RERE: variants seen among roughly 807,000 people sequenced by gnomAD.
RERE encodes the protein arginine-glutamic acid dipeptide repeats, also known as arginine-glutamic acid dipeptide repeats protein.
RERE carries 40 observed loss-of-function variants against 146.1 expected under a neutral mutation model. That is an observed-to-expected ratio of 0.27 (90% CI 0.21 to 0.36). RERE has a LOEUF of 0.36. RERE is among the 10% of genes least tolerant of loss of function. The pLI is 1.00. For synonymous variants in RERE, 1,003 were observed against 866.0 expected (o/e 1.16, Z -2.78); for missense variants, 1,933 against 2,138.7 (o/e 0.90, Z 1.90).
Position 8,423,391 on chromosome 1 carries a change from C to A in RERE, c.1204-584G>T, listed in dbSNP as rs1298604199. 2 of 280,512 alleles carry A rather than the reference C, an allele frequency of 7.1e-6. No individual in the cohort carries two copies. The highest frequency in any genetic ancestry group is 5.4e-6 in the Non-Finnish European group (1 of 185,190). 17.4% of individuals were successfully genotyped at this position (280,512 alleles called of 1,614,324 possible). ...CGTCATTAAAAGCCACTCCGAGACA[C>A]CAGAGAATAACCAGCACCCCTTCCG... On this transcript the variant is annotated intron_variant, in intron 11 of 22. Transcript: ENST00000400908. The surrounding 1 kb of genome is among the most constrained non-coding windows in gnomAD (Gnocchi z 5.4).
chr1:8,441,929 T>C (rs963621185), intron 11 of RERE, among the ~76,000 whole-genome samples: 5 of 118,440 alleles, frequency 4.2e-5, no homozygotes, highest in East Asian at 2.3e-4. Context: ...TATGCCCGAT[T>C]TCAATACACA....
intron 10 of RERE, among the ~76,000 whole-genome samples, chr1:8,471,283 A>G (rs929929674): frequency 2.6e-5 from 4 of 152,030 alleles, no homozygotes; most frequent in Non-Finnish European, 5.9e-5. Flanking sequence ...CAGGCACTCT[A>G]TTAGGTGCTG....
chr1:8,415,232 G>A (rs1416540567), intron 12 of RERE, among the ~76,000 whole-genome samples: 1 of 152,180 alleles, frequency 6.6e-6, no homozygotes, highest in African/African-American at 2.4e-5. Flanking sequence ...ACCACAACTT[G>A]TAAGTCTTTC....
chr1:8,649,024 T>C (rs192017068), intron 2 of RERE, among the ~76,000 whole-genome samples: 381 of 152,046 alleles, frequency 2.5e-3, no homozygotes, highest in Non-Finnish European at 4.1e-3. Flanking sequence ...CAGTTCTACC[T>C]ACACCAGAAA....
In RERE at chr1:8,360,906, G is replaced by C; in HGVS notation, c.2601C>G (p.Gly867=). 2.7e-6 allele frequency: 4 copies of C among 1,494,186 alleles called. No individual in the cohort carries two copies. Among genetic ancestry groups the C allele is most frequent in the Non-Finnish European group, 2.7e-6 (3 of 1,128,746 alleles). 92.6% of individuals were successfully genotyped at this position (1,494,186 alleles called of 1,614,324 possible). A position where few individuals can be genotyped will look rare whatever the true frequency, so the allele number is the denominator to read the frequency against. ...LQAGPLLQHP[G]PPQPFGLPPQ... is the part of the protein sequence containing the mutation. ...GAGGGAGGCCAAAGGGCTGTGGGGG[G>C]CCTGGGTGCTGCAGCAGGGGCCCAG... is the stretch of plus-strand genomic sequence containing the variant. The change falls in exon 18 of 23, where the codon GGC becomes GGG. Residue 867 remains glycine, a synonymous_variant. Transcript: ENST00000400908.
chr1:8,492,883 C>A (rs768877110), intron 10 of RERE, among the ~76,000 whole-genome samples: 1 of 151,892 alleles, frequency 6.6e-6, no homozygotes, highest in Admixed American at 6.6e-5. Context: ...GTACTCCAGA[C>A]TGGGCAACAG....
At position 8,750,012 on chromosome 1, in the gene RERE, C is replaced by T. The variant is rs148526575; in HGVS notation, c.-145+67148G>A. Among the ~76,000 whole-genome samples the T allele has an allele frequency of 6.9e-3, 1,044 of 151,928 alleles. 6 individuals are homozygous for T. Among genetic ancestry groups the T allele is most frequent in the African/African-American group, 0.023 (960 of 41,428 alleles). On this transcript the variant is annotated intron_variant, in intron 1 of 22. Transcript: ENST00000400908. Reference sequence around the variant, plus strand: ...ACTAAAAATACAAAAATTAACCAGGCGTGGTGGCGGGCACCTGTAATCTCA... The same window carrying T: ...ACTAAAAATACAAAAATTAACCAGGTGTGGTGGCGGGCACCTGTAATCTCA...
intron 1 of RERE, among the ~76,000 whole-genome samples, chr1:8,775,651 C>T (rs1367204724): frequency 6.6e-6 from 1 of 151,990 alleles, no homozygotes; most frequent in Non-Finnish European, 1.5e-5. Flanking sequence ...TTTTCTAGCA[C>T]CTAATATTAA....
chr1:8,759,838 T>TACACACACACACACACACACAC (rs369646175), intron 1 of RERE, among the ~76,000 whole-genome samples: 1 of 142,230 alleles, frequency 7.0e-6, no homozygotes. Flanking sequence ...ACTCTCTCTA[T>TACACACACACACACACACACAC]ACACACACAC....
In RERE at chr1:8,664,494, T is replaced by C. The variant is rs549773835; in HGVS notation, c.-144-8053A>G. Among the ~76,000 whole-genome samples the C allele has an allele frequency of 3.2e-4, 48 of 152,312 alleles. 1 individual carries two copies. In the South Asian group the frequency reaches 1.0e-2, roughly 32 times the overall value. On this transcript the variant is annotated intron_variant, in intron 1 of 22. Transcript: ENST00000400908. ...TTCAGCTTCAGACACATGTGAAAACTGTTCACCTGGGGTCTCTTCTTGGAT... is the reference window on the plus strand; with the variant it reads ...TTCAGCTTCAGACACATGTGAAAACCGTTCACCTGGGGTCTCTTCTTGGAT...
At chr1:8,385,943 T>C (rs1642625257) in intron 12 of RERE, among the ~76,000 whole-genome samples, 1 of 111,060 alleles carries the variant, frequency 9.0e-6, no homozygotes, top group Admixed American at 1.2e-4. Context: ...CACTCCACCC[T>C]GGGTGACACA....
At chr1:8,794,357 CAAA>C (rs34549021) in intron 1 of RERE, among the ~76,000 whole-genome samples, 3 of 40,550 alleles carry the variant, frequency 7.4e-5, no homozygotes, top group Non-Finnish European at 4.7e-5. Context: ...GACTCCGTCT[CAAA>C]AAAAAAAAAA....
intron 1 of RERE, among the ~76,000 whole-genome samples, chr1:8,741,338 G>C (rs1640303109): frequency 6.6e-6 from 1 of 152,198 alleles, no homozygotes. Context: ...GAACAAAGCA[G>C]ACACTCAGTA....
At chr1:8,789,299 A>ATAT (rs1287393421) in intron 1 of RERE, among the ~76,000 whole-genome samples, 114 of 54,798 alleles carry the variant, frequency 2.1e-3, no homozygotes, top group Admixed American at 2.4e-3. Flanking sequence ...AAAAAAAAAA[A>ATAT]AAATATATAT....
chr1:8,536,329 A>G (rs1206476568), intron 7 of RERE, among the ~76,000 whole-genome samples: 1 of 152,116 alleles, frequency 6.6e-6, no homozygotes, highest in Non-Finnish European at 1.5e-5. Context: ...ACTAGAACCC[A>G]GGCCACCCAG....
intron 4 of RERE, among the ~76,000 whole-genome samples, chr1:8,613,940 G>A (rs1358914653): frequency 1.3e-5 from 2 of 152,156 alleles, no homozygotes; most frequent in African/African-American, 4.8e-5. Flanking sequence ...GGGTCCCTGT[G>A]TTTTAAGGGA....
At chr1:8,539,280 C>T (rs1201455659) in intron 7 of RERE, among the ~76,000 whole-genome samples, 1 of 152,184 alleles carries the variant, frequency 6.6e-6, no homozygotes, top group Non-Finnish European at 1.5e-5. Flanking sequence ...GTAAAATAAA[C>T]ATTTCAAAAT....
At chr1:8,730,992 A>G (rs1640068191) in intron 1 of RERE, among the ~76,000 whole-genome samples, 1 of 152,218 alleles carries the variant, frequency 6.6e-6, no homozygotes, top group Non-Finnish European at 1.5e-5. Context: ...TCTTAGATCC[A>G]TTAGAGAACT....
chr1:8,729,445 G>T (rs866599658), intron 1 of RERE, among the ~76,000 whole-genome samples: 1 of 151,576 alleles, frequency 6.6e-6, no homozygotes, highest in Non-Finnish European at 1.5e-5. Flanking sequence ...GGCTGGTTTC[G>T]AACTCTTGAC....
Sources: allele counts gnomAD v4.1 joint callset (sites outside exome capture counted in the v4.1 genomes callset), GRCh38; gene constraint gnomAD v4.1.1; non-coding constraint Gnocchi (gnomAD v3.1); transcripts MANE v1.5; gene names NCBI Gene and HGNC (gene_info 2026-07-23, HGNC 2026-07-21).